Variants in FBN2 observed in about 807,000 individuals in gnomAD.
FBN2 encodes the protein fibrillin 2, also known as fibrillin-2.
In FBN2, 105 loss-of-function variants were observed where a neutral mutation model predicts 355.6. The observed-to-expected ratio is 0.30, with a 90% CI of 0.25 to 0.35. The LOEUF is 0.35. Among genes scored for constraint, FBN2 ranks in the 10% least tolerant of loss-of-function variants. FBN2 has a pLI of 1.00. For missense variants in FBN2, 3,280 were observed against 3,758.7 expected (o/e 0.87, Z 3.33); for synonymous variants, 1,350 against 1,301.2 (o/e 1.04, Z -0.81).
chr5:128,451,876 G>T (rs938597322), intron 6 of FBN2, among the ~76,000 whole-genome samples: 2 of 152,154 alleles, frequency 1.3e-5, no homozygotes, highest in Admixed American at 6.5e-5. Flanking sequence ...GCTGCATACG[G>T]ATTATAGTAG....
intron 11 of FBN2, among the ~76,000 whole-genome samples, chr5:128,382,766 C>T (rs978335726): frequency 6.6e-6 from 1 of 152,062 alleles, no homozygotes; most frequent in African/African-American, 2.4e-5. Flanking sequence ...ATCGATTAAC[C>T]TCCCAAGCAC....
At chr5:128,423,108 G>C (rs897211628) in intron 7 of FBN2, among the ~76,000 whole-genome samples, 3 of 151,142 alleles carry the variant, frequency 2.0e-5, no homozygotes, top group Admixed American at 6.6e-5. Context: ...GGTAGTGAGA[G>C]AATGCAGAAG....
intron 1 of FBN2, among the ~76,000 whole-genome samples, chr5:128,536,932 C>T (rs966067363): frequency 6.6e-6 from 1 of 152,044 alleles, no homozygotes; most frequent in Non-Finnish European, 1.5e-5. Flanking sequence ...AGAAGGTGAG[C>T]TGTGAACCCT....
intron 36 of FBN2, among the ~76,000 whole-genome samples, chr5:128,315,772 T>C (rs1750184582): frequency 6.6e-6 from 1 of 152,212 alleles, no homozygotes; most frequent in Non-Finnish European, 1.5e-5. Context: ...CAGGTTCTTG[T>C]TACCAAATAT....
chr5:128,488,881 T>C (rs1287242820), intron 5 of FBN2, among the ~76,000 whole-genome samples: 1 of 152,010 alleles, frequency 6.6e-6, no homozygotes, highest in Non-Finnish European at 1.5e-5. Flanking sequence ...GTGCCACATT[T>C]TCTTAATCCA....
In FBN2 at chr5:128,263,662, G is replaced by GA; in HGVS notation, c.7961-7dup. On this transcript the variant is annotated splice_region_variant and splice_polypyrimidine_tract_variant and intron_variant, in intron 62 of 64. Transcript: ENST00000262464. ...ATTGGAGCATTCATTCTCATCTAGT[G>GA]AAACGAAGAAAGAAACTCTTACACG... 6.2e-7 allele frequency: 1 copy of GA among 1,604,956 alleles called. No homozygotes were observed. The highest frequency in any genetic ancestry group is 8.5e-7 in the Non-Finnish European group (1 of 1,172,442).
intron 4 of FBN2, among the ~76,000 whole-genome samples, chr5:128,523,004 T>C (rs990454308): frequency 6.6e-6 from 1 of 152,170 alleles, no homozygotes; most frequent in Non-Finnish European, 1.5e-5. Context: ...TGTGGGTTGG[T>C]TGCATACTGT....
At chr5:128,292,948 T>C (rs1749369555) in intron 48 of FBN2, among the ~76,000 whole-genome samples, 1 of 152,166 alleles carries the variant, frequency 6.6e-6, no homozygotes, top group African/African-American at 2.4e-5. Flanking sequence ...TAAGGATGTC[T>C]TCACAAAACA....
intron 5 of FBN2, among the ~76,000 whole-genome samples, chr5:128,479,271 A>G (rs1403777287): frequency 6.6e-6 from 1 of 152,180 alleles, no homozygotes; most frequent in Non-Finnish European, 1.5e-5. Context: ...GGTCACATAG[A>G]ACCTAAAATC....
At chr5:128,439,026 G>C (rs1561457419) in intron 7 of FBN2, among the ~76,000 whole-genome samples, 1 of 151,958 alleles carries the variant, frequency 6.6e-6, no homozygotes, top group Non-Finnish European at 1.5e-5. Flanking sequence ...AATTGCCTTT[G>C]TCATGTAACA....
At position 128,328,746 on chromosome 5, in the gene FBN2, C is replaced by G; in HGVS notation, c.4421G>C (p.Cys1474Ser). The G allele has an allele frequency of 6.2e-7, 1 of 1,614,166 alleles. No homozygotes were observed. The highest frequency in any genetic ancestry group is 8.5e-7 in the Non-Finnish European group (1 of 1,180,016). The change falls in exon 34 of 65, where the codon TGC becomes TCC. Residue 1474 changes from cysteine (C) to serine (S), a missense_variant. Cys to Ser is a moderately radical substitution (Grantham distance 112). This residue lies in a region of FBN2 where 2,284 missense variants were observed against 2,749.5 expected (regional missense o/e 0.83). Coordinates refer to ENST00000262464, the MANE Select transcript of FBN2 (RefSeq NM_001999.4). The part of the protein sequence containing the change: ...QCLNVPGAYR[C>S]ECEMGFTPAS... ...TGGAGTGAAGCCCATCTCACACTCG[C>G]AGCGATATGCACCCGGGACATTAAG...
chr5:128,334,627 G>A (rs552257297), intron 31 of FBN2, 92 bp downstream of exon 31: 16 of 1,344,882 alleles, frequency 1.2e-5, no homozygotes, highest in African/African-American at 5.7e-5. Context: ...GCAGGTAACC[G>A]CTCTAAGAGA....
intron 5 of FBN2, among the ~76,000 whole-genome samples, chr5:128,483,780 G>A (rs1004856495): frequency 6.6e-6 from 1 of 152,032 alleles, no homozygotes; most frequent in Admixed American, 6.6e-5. Flanking sequence ...ATAAATCAAT[G>A]GTTCTTAAAA....
At chr5:128,346,412 A>G (rs1304029291) in intron 23 of FBN2, among the ~76,000 whole-genome samples, 1 of 152,232 alleles carries the variant, frequency 6.6e-6, no homozygotes, top group Admixed American at 6.5e-5. Flanking sequence ...GATTTCTTTG[A>G]TAAGAACATT....
intron 2 of FBN2, among the ~76,000 whole-genome samples, chr5:128,531,592 A>G (rs1292625105): frequency 1.3e-5 from 2 of 152,146 alleles, no homozygotes; most frequent in African/African-American, 2.4e-5. Context: ...ATATGTAAGT[A>G]AACGTTACAG....
chr5:128,398,396 T>C (rs1023915553), intron 8 of FBN2, among the ~76,000 whole-genome samples: 1 of 150,172 alleles, frequency 6.7e-6, no homozygotes, highest in African/African-American at 2.4e-5. Flanking sequence ...AATAACTAAA[T>C]TATATTTAAT....
intron 7 of FBN2, among the ~76,000 whole-genome samples, chr5:128,427,519 C>T (rs952324886): frequency 6.6e-6 from 1 of 152,150 alleles, no homozygotes; most frequent in Non-Finnish European, 1.5e-5. Flanking sequence ...CTTCTTGAGG[C>T]ACCTGGAGAA....
intron 20 of FBN2, among the ~76,000 whole-genome samples, chr5:128,351,982 C>A (rs895094586): frequency 6.6e-6 from 1 of 151,752 alleles, no homozygotes; most frequent in Non-Finnish European, 1.5e-5. Context: ...AAGATTTTAT[C>A]GTATAAAATC....
At chr5:128,491,859 G>T (rs1460519462) in intron 5 of FBN2, among the ~76,000 whole-genome samples, 1 of 152,130 alleles carries the variant, frequency 6.6e-6, no homozygotes, top group Non-Finnish European at 1.5e-5. Flanking sequence ...GGCAATTAAT[G>T]AAAGACCTTT....
Sources: gnomAD v4.1 joint callset for allele counts (sites outside exome capture counted in the v4.1 genomes callset) on GRCh38, gnomAD v4.1.1 for gene constraint, gnomAD v4.1.1 regional missense constraint, MANE v1.5 for transcripts, NCBI Gene and HGNC (gene_info 2026-07-23, HGNC 2026-07-21) for gene names.